Variants in GPHN observed in about 807,000 individuals in gnomAD.
GPHN encodes gephyrin.
GPHN carries 17 observed loss-of-function variants against 95.5 expected under a neutral mutation model. The observed-to-expected ratio is 0.18, with a 90% CI of 0.12 to 0.27. The LOEUF is 0.27. Among genes scored for constraint, GPHN ranks in the 10% least tolerant of loss-of-function variants. GPHN has a pLI of 1.00. For synonymous variants in GPHN, 320 were observed against 322.5 expected, an observed-to-expected ratio of 0.99 and a Z score of 0.08; for missense variants, 660 against 978.1, an observed-to-expected ratio of 0.67 and a Z score of 4.34.
chr14:67,434,970 CTTT>C, the GPHN span, among the ~76,000 whole-genome samples: 5 of 138,084 alleles, frequency 3.6e-5, no homozygotes, highest in Admixed American at 1.4e-4. Flanking sequence ...TTCTCTCTCT[CTTT>C]TTTTTTTTTT....
chr14:66,634,380 G>T (rs936898634), intron 1 of GPHN, among the ~76,000 whole-genome samples: 9 of 152,102 alleles, frequency 5.9e-5, no homozygotes, highest in Non-Finnish European at 1.3e-4. Flanking sequence ...ATCAACAACT[G>T]CAGTGTCTGT....
chr14:67,104,989 C>T (rs1301301947), intron 13 of GPHN, among the ~76,000 whole-genome samples: 2 of 151,834 alleles, frequency 1.3e-5, no homozygotes, highest in African/African-American at 4.8e-5. Context: ...CTATAAACTT[C>T]CCTCTTAATG....
chr14:67,717,101 T>A, the GPHN span, among the ~76,000 whole-genome samples: 2 of 152,130 alleles, frequency 1.3e-5, no homozygotes, highest in African/African-American at 2.4e-5. Context: ...AGCATGTATA[T>A]ATATCATTCA....
chr14:67,075,401 C>T (rs1045726316), intron 11 of GPHN, among the ~76,000 whole-genome samples: 1 of 152,058 alleles, frequency 6.6e-6, no homozygotes, highest in Admixed American at 6.6e-5. Flanking sequence ...TTGGGATGTA[C>T]AAGATTAATG....
intron 16 of GPHN, among the ~76,000 whole-genome samples, chr14:67,121,071 A>G (rs1339037058): frequency 6.6e-6 from 1 of 152,226 alleles, no homozygotes; most frequent in Non-Finnish European, 1.5e-5. Context: ...GGTGTTGGCC[A>G]TATTAGTAGC....
the GPHN span, among the ~76,000 whole-genome samples, chr14:67,283,906 G>A: frequency 6.6e-6 from 1 of 152,186 alleles, no homozygotes; most frequent in Non-Finnish European, 1.5e-5. Flanking sequence ...TTGCTTCGTT[G>A]TCTTACGGCA....
the GPHN span, among the ~76,000 whole-genome samples, chr14:67,380,292 C>CA: frequency 1.3e-5 from 2 of 152,118 alleles, no homozygotes; most frequent in Non-Finnish European, 2.9e-5. Flanking sequence ...CTGATGCCCA[C>CA]AGATGTACTG....
chr14:67,608,155 G>C, the GPHN span, among the ~76,000 whole-genome samples: 2 of 151,928 alleles, frequency 1.3e-5, no homozygotes, highest in Non-Finnish European at 2.9e-5. Context: ...GAGGCAGCAG[G>C]ATCCCTTGAG....
intron 8 of GPHN, among the ~76,000 whole-genome samples, chr14:66,956,460 A>C (rs961295956): frequency 6.6e-6 from 1 of 152,060 alleles, no homozygotes; most frequent in Non-Finnish European, 1.5e-5. Context: ...GAATCGCCAC[A>C]CTGACTTCCA....
At chr14:66,531,192 C>T (rs552768880) in intron 1 of GPHN, among the ~76,000 whole-genome samples, 13 of 152,204 alleles carry the variant, frequency 8.5e-5, no homozygotes, top group African/African-American at 2.9e-4. Flanking sequence ...GTGATCCACC[C>T]GCCTTAGCCC....
chr14:67,695,440 G>A, the GPHN span, among the ~76,000 whole-genome samples: 3 of 152,218 alleles, frequency 2.0e-5, no homozygotes, highest in Non-Finnish European at 4.4e-5. Flanking sequence ...CTTTCTCACC[G>A]CCTGGGGTCT....
At chr14:66,627,566 T>C (rs1303681737) in intron 1 of GPHN, among the ~76,000 whole-genome samples, 1 of 152,098 alleles carries the variant, frequency 6.6e-6, no homozygotes, top group Non-Finnish European at 1.5e-5. Flanking sequence ...GAGGTATGTA[T>C]CTAGGTATAG....
chr14:67,569,176 G>A, the GPHN span: 3 of 1,613,190 alleles, frequency 1.9e-6, no homozygotes, highest in Non-Finnish European at 2.5e-6. Flanking sequence ...CGGGCATGCG[G>A]CTCTCAGATA....
At chr14:67,126,516 A>G (rs973313229) in intron 17 of GPHN, among the ~76,000 whole-genome samples, 1 of 152,260 alleles carries the variant, frequency 6.6e-6, no homozygotes, top group Non-Finnish European at 1.5e-5. Flanking sequence ...AGAAGTAGAA[A>G]CAAATAGTGT....
At chr14:66,778,841 T>C (rs2059495489) in intron 3 of GPHN, among the ~76,000 whole-genome samples, 1 of 150,564 alleles carries the variant, frequency 6.6e-6, no homozygotes, top group Admixed American at 6.7e-5. Context: ...GTTCAAGTGA[T>C]TTTCCTGCCT....
intron 10 of GPHN, 94 bp from the exon 11 acceptor site, chr14:67,058,555 C>T: frequency 9.5e-7 from 1 of 1,048,310 alleles, no homozygotes; most frequent in Non-Finnish European, 1.5e-6. Flanking sequence ...CATCTGGGGA[C>T]ATTTGAAATT....
In GPHN at chr14:67,172,710, A is replaced by G. The variant is rs112904057; in HGVS notation, c.2079+3674A>G. Reference sequence around the variant, plus strand: ...CCCCCTAGTGTCTGAGCAGCTGAGAAACACCTCTTCCTAGGAAGTGCAGTC... The same window carrying G: ...CCCCCTAGTGTCTGAGCAGCTGAGAGACACCTCTTCCTAGGAAGTGCAGTC... On this transcript the variant is annotated intron_variant, in intron 21 of 22. Transcript: ENST00000478722. Among the ~76,000 whole-genome samples the G allele has an allele frequency of 3.0e-3, 464 of 152,172 alleles. 5 individuals carry two copies. Among genetic ancestry groups the G allele is most frequent in the African/African-American group, 0.011 (446 of 41,518 alleles).
At chr14:67,053,245 G>T (rs902451038) in intron 10 of GPHN, among the ~76,000 whole-genome samples, 4 of 136,018 alleles carry the variant, frequency 2.9e-5, no homozygotes, top group Non-Finnish European at 4.7e-5. Flanking sequence ...AAAGAGAGAA[G>T]AATCAAATAG....
At chr14:67,004,326 G>C (rs2072450287) in intron 9 of GPHN, among the ~76,000 whole-genome samples, 1 of 151,624 alleles carries the variant, frequency 6.6e-6, no homozygotes, top group Non-Finnish European at 1.5e-5. Flanking sequence ...TATACTTTCA[G>C]TTTTGCTGAA....
Sources: allele counts gnomAD v4.1 joint callset (sites outside exome capture counted in the v4.1 genomes callset), GRCh38; gene constraint gnomAD v4.1.1; transcripts MANE v1.5; gene names NCBI Gene and HGNC (gene_info 2026-07-23, HGNC 2026-07-21).